CSMD3: variants seen among roughly 807,000 people sequenced by gnomAD.
CSMD3 encodes CUB and sushi domain-containing protein 3.
A neutral mutation model predicts 435.2 loss-of-function variants in CSMD3; 177 were observed. That is an observed-to-expected ratio of 0.41 (90% CI 0.36 to 0.46). The LOEUF (loss-of-function observed/expected upper bound fraction) is 0.46. Ranked by LOEUF, CSMD3 falls within the 20% of genes least tolerant of loss-of-function variation. The probability of loss-of-function intolerance (pLI) is 0.34; values close to 1 mark genes in which losing one functional copy is unlikely to be tolerated. For synonymous variants in CSMD3, 1,656 were observed against 1,520.5 expected (o/e 1.09, Z -2.07); for missense variants, 4,265 against 4,504.6 (o/e 0.95, Z 1.52).
chr8:113,174,284 T>C (rs2092315206), intron 3 of CSMD3, among the ~76,000 whole-genome samples: 1 of 152,174 alleles, frequency 6.6e-6, no homozygotes. Context: ...ATTTCCTTAA[T>C]ATTATCTTCA....
intron 6 of CSMD3, among the ~76,000 whole-genome samples, chr8:113,004,451 T>A (rs192610241): frequency 7.1e-4 from 108 of 152,072 alleles, no homozygotes; most frequent in Non-Finnish European, 1.4e-3. Flanking sequence ...AGAAAATATG[T>A]GAGAGAAAAG....
intron 27 of CSMD3, 145 bp from the exon 28 acceptor site, chr8:112,517,370 T>C (rs747181898): frequency 1.9e-4 from 119 of 622,538 alleles, no homozygotes; most frequent in South Asian, 8.7e-4. Flanking sequence ...ATATTTTAAA[T>C]AATTTATGTG....
chr8:112,899,736 T>A (rs1418265667), intron 10 of CSMD3, among the ~76,000 whole-genome samples: 1 of 146,418 alleles, frequency 6.8e-6, no homozygotes, highest in African/African-American at 2.5e-5. Flanking sequence ...ATGCTCATTC[T>A]CCTTCAGGTA....
intron 10 of CSMD3, among the ~76,000 whole-genome samples, chr8:112,917,223 T>C (rs933050322): frequency 1.3e-5 from 2 of 151,968 alleles, no homozygotes; most frequent in African/African-American, 2.4e-5. Context: ...GTGGCTTTTG[T>C]TGAAGAAGCA....
intron 5 of CSMD3, among the ~76,000 whole-genome samples, chr8:113,027,216 C>T (rs1035278505): frequency 3.0e-4 from 45 of 152,002 alleles, no homozygotes; most frequent in South Asian, 4.1e-4. Context: ...TCATGCTTTG[C>T]CATAATATCA....
chr8:112,966,815 A>AAT (rs1269601361), intron 7 of CSMD3, among the ~76,000 whole-genome samples: 4 of 151,876 alleles, frequency 2.6e-5, no homozygotes, highest in African/African-American at 9.7e-5. Context: ...TCTGCCTTAA[A>AAT]ATATCCCTTG....
intron 32 of CSMD3, among the ~76,000 whole-genome samples, chr8:112,444,474 C>T (rs1250652774): frequency 6.6e-6 from 1 of 152,076 alleles, no homozygotes; most frequent in Non-Finnish European, 1.5e-5. Flanking sequence ...ATCACAAGGA[C>T]AATAGATAAA....
At chr8:112,569,976 C>T (rs1336486000) in intron 24 of CSMD3, among the ~76,000 whole-genome samples, 1 of 152,074 alleles carries the variant, frequency 6.6e-6, no homozygotes, top group Non-Finnish European at 1.5e-5. Context: ...CTCTGCAATA[C>T]CTATGATTCT....
At chr8:112,536,768 C>T (rs1180575296) in intron 27 of CSMD3, among the ~76,000 whole-genome samples, 2 of 150,774 alleles carry the variant, frequency 1.3e-5, no homozygotes, top group African/African-American at 2.5e-5. Context: ...TGGAACCAAC[C>T]CAAATGTCCA....
chr8:112,920,013 A>G (rs2082687742), intron 10 of CSMD3, among the ~76,000 whole-genome samples: 1 of 151,958 alleles, frequency 6.6e-6, no homozygotes, highest in South Asian at 2.1e-4. Flanking sequence ...ACTCGAGTAC[A>G]GAGACACAGA....
intron 6 of CSMD3, among the ~76,000 whole-genome samples, chr8:112,988,328 T>C (rs1052437404): frequency 3.3e-5 from 5 of 152,092 alleles, no homozygotes; most frequent in African/African-American, 1.2e-4. Context: ...GTGGATTAAA[T>C]TTCACACCTG....
intron 1 of CSMD3, among the ~76,000 whole-genome samples, chr8:113,381,182 G>A (rs536340957): frequency 3.3e-5 from 5 of 152,238 alleles, no homozygotes; most frequent in Admixed American, 2.0e-4. Context: ...AGCTAAAGTA[G>A]TTTCCCAGGT....
At chr8:113,002,405 AT>A (rs2085897592) in intron 6 of CSMD3, among the ~76,000 whole-genome samples, 1 of 152,132 alleles carries the variant, frequency 6.6e-6, no homozygotes, top group Non-Finnish European at 1.5e-5. Context: ...TTTCAAAAAA[AT>A]GTCTTTAGTA....
chr8:112,241,874 T>A lies in CSMD3; in HGVS notation c.10403-89A>T, dbSNP rs948215269. 1.4e-5 allele frequency: 9 copies of A among 641,596 alleles called. No homozygotes were observed. The African/African-American group carries it at 2.2e-4, about 16-fold the overall frequency. 39.7% of individuals were successfully genotyped at this position (641,596 alleles called of 1,614,324 possible). A position where few individuals can be genotyped will look rare whatever the true frequency, so the allele number is the denominator to read the frequency against. On this transcript the variant is annotated intron_variant, in intron 65 of 70. Transcript: ENST00000297405. The stretch of plus-strand genomic sequence containing the variant: ...CACACACACGCACACACACACACAG[T>A]GTGATGCACTGTCCATTTTATTCTC...
rs1053691646 is a variant in CSMD3 at position 112,408,959 on chromosome 8, C to T, written c.5469G>A (p.Gln1823=). ...DVVEVYDGPT[Q]QSSLLSSLSG... is the part of the protein sequence containing the mutation. ...AGAGGGAAGATAACAGAGAAGATTGCTGAGTTGGCCCATCATACACCTCAA... is the reference window on the plus strand; with the variant it reads ...AGAGGGAAGATAACAGAGAAGATTGTTGAGTTGGCCCATCATACACCTCAA... Residue 1823 remains glutamine (Q), a synonymous_variant, in exon 33 of 71, where the codon CAG becomes CAA. Transcript: ENST00000297405. 1.2e-6 allele frequency: 2 copies of T among 1,613,556 alleles called. No individual in the cohort carries two copies. The highest frequency in any genetic ancestry group is 1.3e-5 in the African/African-American group (1 of 74,976).
Position 112,265,609 on chromosome 8 carries a change from AAGAGC to A in CSMD3, c.9509-24_9509-20del. The A allele has an allele frequency of 6.3e-7, 1 of 1,583,894 alleles. No individual in the cohort carries two copies. Among genetic ancestry groups the A allele is most frequent in the Non-Finnish European group, 8.7e-7 (1 of 1,152,788 alleles). Reference sequence around the variant, plus strand: ...CTGATTACTGTCAGTATTGGATTAGAAGAGCAGATGGTTAATGAGGCATGTATTTA... The same window carrying A: ...CTGATTACTGTCAGTATTGGATTAGAAGATGGTTAATGAGGCATGTATTTA... On this transcript the variant is annotated intron_variant, in intron 59 of 70. Transcript: ENST00000297405.
intron 13 of CSMD3, among the ~76,000 whole-genome samples, chr8:112,754,620 G>C (rs148428673): frequency 6.6e-6 from 1 of 152,176 alleles, no homozygotes; most frequent in Non-Finnish European, 1.5e-5. Context: ...GTCAGGATGG[G>C]AAGTGACTTT....
At chr8:112,747,183 C>CTTTTTTTTTTTTTTTTTTTTTTT (rs71309787) in intron 13 of CSMD3, among the ~76,000 whole-genome samples, 1 of 26,942 alleles carries the variant, frequency 3.7e-5, no homozygotes, top group African/African-American at 2.6e-4. Context: ...GCACACTTCC[C>CTTTTTTTTTTTTTTTTTTTTTTT]TTTTTTTTTT....
intron 1 of CSMD3, among the ~76,000 whole-genome samples, chr8:113,386,485 T>A (rs963785466): frequency 3.9e-5 from 6 of 151,908 alleles, no homozygotes; most frequent in Admixed American, 3.9e-4. Context: ...ATAAGAACTT[T>A]TACATTTAGT....
Sources: allele counts gnomAD v4.1 joint callset (sites outside exome capture counted in the v4.1 genomes callset), GRCh38; gene constraint gnomAD v4.1.1; transcripts MANE v1.5; gene names NCBI Gene and HGNC (gene_info 2026-07-23, HGNC 2026-07-21).